The following VWA3B variants were observed in gnomAD, a reference collection of about 807,000 sequenced individuals.
VWA3B encodes von Willebrand factor A domain-containing protein 3B.
VWA3B carries 138 observed loss-of-function variants against 158.3 expected under a neutral mutation model. That is an observed-to-expected ratio of 0.87 (90% CI 0.76 to 1.00). VWA3B has a LOEUF of 1.00. Ranked by LOEUF, VWA3B falls within the 50% of genes least tolerant of loss-of-function variation. The pLI, the probability that VWA3B is intolerant of heterozygous loss-of-function variation, is 0.00. For synonymous variants in VWA3B, 596 were observed against 587.3 expected, an observed-to-expected ratio of 1.01 and a Z score of -0.21; for missense variants, 1,555 against 1,565.1, an observed-to-expected ratio of 0.99 and a Z score of 0.11.
intron 12 of VWA3B, among the ~76,000 whole-genome samples, chr2:98,202,089 A>G (rs912710038): frequency 9.2e-5 from 14 of 152,188 alleles, no homozygotes; most frequent in African/African-American, 2.7e-4. Flanking sequence ...CAGAATTGAT[A>G]TGATTTTTCC....
intron 8 of VWA3B, among the ~76,000 whole-genome samples, chr2:98,180,318 A>G (rs1680456255): frequency 6.6e-6 from 1 of 152,078 alleles, no homozygotes; most frequent in Admixed American, 6.5e-5. Flanking sequence ...CAGCCTCCCA[A>G]GTAGTTGGGA....
At chr2:98,274,233 A>T (rs960465806) in intron 22 of VWA3B, among the ~76,000 whole-genome samples, 2 of 152,234 alleles carry the variant, frequency 1.3e-5, no homozygotes, top group Non-Finnish European at 2.9e-5. Flanking sequence ...GCACCAGAGC[A>T]TCACTGCTGT....
intron 6 of VWA3B, 44 bp downstream of exon 6, chr2:98,128,452 T>A (rs145266946): frequency 0.013 from 20,890 of 1,598,752 alleles, 166 homozygotes; most frequent in Non-Finnish European, 0.016. Flanking sequence ...GCGGGTTGCC[T>A]GCTCACACAG....
chr2:98,297,913 T>C lies in VWA3B; in HGVS notation c.3164T>C (p.Val1055Ala). 16 of 1,539,526 alleles carry C rather than the reference T, an allele frequency of 1.0e-5. No homozygotes were observed. The highest frequency in any genetic ancestry group is 1.4e-5 in the Non-Finnish European group (16 of 1,143,090). Residue 1055 changes from valine to alanine, a missense_variant, in exon 24 of 28, where the codon GTG becomes GCG. Transcript: ENST00000477737. ...DENGFYFPGV[V>A]KKCVSRTQAL... The stretch of plus-strand genomic sequence containing the variant: ...TTTCTTTGATTCCTTCCAGGGGTTG[T>C]GAAGAAGTGTGTGAGCCGCACCCAA...
chr2:98,126,322 G>A (rs1253157205), intron 5 of VWA3B, among the ~76,000 whole-genome samples: 1 of 152,166 alleles, frequency 6.6e-6, no homozygotes, highest in Non-Finnish European at 1.5e-5. Context: ...GTGGTGTCAG[G>A]AGTGGCTGAC....
intron 12 of VWA3B, chr2:98,206,878 G>T: frequency 2.4e-6 from 1 of 408,384 alleles, no homozygotes; most frequent in South Asian, 1.9e-5. Flanking sequence ...TAAGGGCAAT[G>T]ACTTATATTA....
intron 26 of VWA3B, among the ~76,000 whole-genome samples, chr2:98,311,032 T>C (rs1326450972): frequency 6.6e-6 from 1 of 152,212 alleles, no homozygotes; most frequent in African/African-American, 2.4e-5. Flanking sequence ...TCAGAAGTTA[T>C]GCGGAGTAAA....
At position 98,280,729 on chromosome 2, in the gene VWA3B, G is replaced by A. The variant is rs567369294; in HGVS notation, c.3046-9782G>A. ...GAGTTATGCTATGCCCTGGGGAGGC[G>A]GGGGAAAACCTCACAAAGCACTCCT... is the stretch of plus-strand genomic sequence containing the variant. On this transcript the variant is annotated intron_variant, in intron 22 of 27. Transcript: ENST00000477737. 1.5e-3 allele frequency among the ~76,000 whole-genome samples: 234 copies of A among 152,260 alleles called. 1 individual carries two copies. The highest frequency in any genetic ancestry group is 4.7e-3 in the African/African-American group (197 of 41,542).
intron 2 of VWA3B, among the ~76,000 whole-genome samples, chr2:98,095,887 T>C (rs1034453786): frequency 6.6e-6 from 1 of 152,232 alleles, no homozygotes; most frequent in Non-Finnish European, 1.5e-5. Context: ...TATGTAGTTT[T>C]TTGTCCTTCA....
intron 12 of VWA3B, among the ~76,000 whole-genome samples, chr2:98,199,101 A>AG (rs1553411935): frequency 6.6e-6 from 1 of 151,324 alleles, no homozygotes; most frequent in Admixed American, 6.6e-5. Flanking sequence ...AAAAAAAAAA[A>AG]TTGAGTTTCT....
At chr2:98,180,033 C>T (rs921788757) in intron 8 of VWA3B, among the ~76,000 whole-genome samples, 2 of 145,734 alleles carry the variant, frequency 1.4e-5, no homozygotes, top group African/African-American at 5.1e-5. Context: ...TCTTTCTTCT[C>T]TCTCTCCTTC....
At chr2:98,093,600 T>C (rs995632723) in intron 2 of VWA3B, among the ~76,000 whole-genome samples, 1 of 152,250 alleles carries the variant, frequency 6.6e-6, no homozygotes, top group African/African-American at 2.4e-5. Flanking sequence ...TGTGAATGGC[T>C]GTATCTAGCT....
chr2:98,196,442 C>G (rs1468637109), intron 12 of VWA3B, among the ~76,000 whole-genome samples: 1 of 152,086 alleles, frequency 6.6e-6, no homozygotes, highest in African/African-American at 2.4e-5. Context: ...AAGCCAAATT[C>G]TATTATTCTT....
At chr2:98,156,422 C>A (rs1180117818) in intron 7 of VWA3B, among the ~76,000 whole-genome samples, 1 of 152,104 alleles carries the variant, frequency 6.6e-6, no homozygotes, top group Non-Finnish European at 1.5e-5. Context: ...CCCCAGTAGC[C>A]CACGCACACA....
intron 7 of VWA3B, among the ~76,000 whole-genome samples, chr2:98,139,879 C>T (rs1034855270): frequency 3.3e-5 from 5 of 152,288 alleles, no homozygotes; most frequent in Admixed American, 6.5e-5. Context: ...TTTGTTCTTT[C>T]GCTCTTTGCA....
chr2:98,124,859 G>A (rs940950344), intron 5 of VWA3B, among the ~76,000 whole-genome samples: 2 of 152,116 alleles, frequency 1.3e-5, no homozygotes, highest in Admixed American at 1.3e-4. Context: ...TCTTTGGCGG[G>A]GCAGAATGCA....
chr2:98,124,925 T>G (rs13004452), intron 5 of VWA3B, among the ~76,000 whole-genome samples: 3,373 of 152,274 alleles, frequency 0.022, 65 homozygotes, highest in Middle Eastern at 0.065. Context: ...GAATTTCAAG[T>G]GAAAACATAA....
At chr2:98,214,794 T>G (rs1009618122) in intron 13 of VWA3B, among the ~76,000 whole-genome samples, 27 of 152,230 alleles carry the variant, frequency 1.8e-4, no homozygotes, top group Admixed American at 1.5e-3. Flanking sequence ...GTTTTTGAGC[T>G]TTCTGATTTA....
intron 2 of VWA3B, among the ~76,000 whole-genome samples, chr2:98,112,146 CAG>C (rs1674177929): frequency 1.3e-5 from 2 of 152,090 alleles, no homozygotes; most frequent in African/African-American, 4.8e-5. Flanking sequence ...CCAGCTATTT[CAG>C]AGTCATTTAT....
Sources: allele counts gnomAD v4.1 joint callset (sites outside exome capture counted in the v4.1 genomes callset), GRCh38; gene constraint gnomAD v4.1.1; transcripts MANE v1.5; gene names NCBI Gene and HGNC (gene_info 2026-07-23, HGNC 2026-07-21).